The following ARID1A variants were observed in gnomAD, a reference collection of about 807,000 sequenced individuals.
The protein encoded by ARID1A is AT-rich interactive domain-containing protein 1A.
ARID1A carries 20 observed loss-of-function variants against 212.6 expected under a neutral mutation model. The observed-to-expected ratio is 0.09, with a 90% CI of 0.07 to 0.14. The LOEUF is 0.14. Ranked by LOEUF, ARID1A falls within the 10% of genes least tolerant of loss-of-function variation. ARID1A has a pLI of 1.00. For missense variants in ARID1A, 2,587 were observed against 3,059.0 expected, an observed-to-expected ratio of 0.85 and a Z score of 3.64; for synonymous variants, 1,376 against 1,222.1, an observed-to-expected ratio of 1.13 and a Z score of -2.63.
Position 26,774,175 on chromosome 1 carries a change from G to A in ARID1A, c.4102-154G>A. 1 of 1,398,596 alleles carries A rather than the reference G, an allele frequency of 7.2e-7. No homozygotes were observed. The highest frequency in any genetic ancestry group is 9.4e-7 in the Non-Finnish European group (1 of 1,059,468). 86.6% of individuals were successfully genotyped at this position (1,398,596 alleles called of 1,614,324 possible). A position where few individuals can be genotyped will look rare whatever the true frequency, so the allele number is the denominator to read the frequency against. On this transcript the variant is annotated intron_variant, in intron 17 of 19. Coordinates refer to ENST00000324856, the MANE Select transcript of ARID1A (RefSeq NM_006015.6). The surrounding 1 kb of genome is among the most constrained non-coding windows in gnomAD (Gnocchi z 5.6). ...GAAGAAAGAGTGGTGGTTGCTTTTG[G>A]AAACAACTTCAAAAGACAATTTGTT... is the stretch of plus-strand genomic sequence containing the variant.
At chr1:26,770,771 T>A (rs993423525) in intron 11 of ARID1A, 1 of 222,354 alleles carries the variant, frequency 4.5e-6, no homozygotes, top group African/African-American at 2.3e-5. Context: ...GTCTCAAAAA[T>A]AAATAAATAA....
At chr1:26,725,857 T>TC (rs1262511371) in intron 1 of ARID1A, among the ~76,000 whole-genome samples, 1 of 149,866 alleles carries the variant, frequency 6.7e-6, no homozygotes, top group Non-Finnish European at 1.5e-5. Flanking sequence ...TAAACCTTTT[T>TC]TTTTTTTTTT....
Position 26,774,687 on chromosome 1 carries a change from C to T in ARID1A, c.4460C>T (p.Ala1487Val), listed in dbSNP as rs1413586412. The change falls in exon 18 of 20, where the codon GCA becomes GTA. Residue 1487 changes from alanine (A) to valine (V), a missense_variant. Ala to Val is a moderately conservative substitution (Grantham distance 64). Coordinates refer to ENST00000324856, the MANE Select transcript of ARID1A (RefSeq NM_006015.6). The surrounding 1 kb of genome is among the most constrained non-coding windows in gnomAD (Gnocchi z 5.6). ...CAAATGATGGGCGGCCCCATACAGG[C>T]ATCAGCTGAGGTTGCTCAGCAAGGC... The part of the protein sequence containing the change: ...PPQMMGGPIQ[A>V]SAEVAQQGTM... 5 of 1,614,120 alleles carry T rather than the reference C, an allele frequency of 3.1e-6. No homozygotes were observed. The African/African-American group carries it at 5.3e-5, about 17-fold the overall frequency.
Position 26,780,480 on chromosome 1 carries a change from C to T in ARID1A, c.6582C>T (p.Asn2194=), listed in dbSNP as rs138280531. 208 of 1,614,222 alleles carry T rather than the reference C, an allele frequency of 1.3e-4. No individual in the cohort carries two copies. Among genetic ancestry groups the T allele is most frequent in the Middle Eastern group, 1.6e-4 (1 of 6,062 alleles). The change falls in exon 20 of 20, where the codon AAC becomes AAT. Residue 2194 remains asparagine (N), a synonymous_variant. Coordinates refer to ENST00000324856, the MANE Select transcript of ARID1A (RefSeq NM_006015.6). This position sits in a 1 kb window ranked among gnomAD's most constrained non-coding sequence, Gnocchi z 7.2. ...AIAVQKGSIG[N]LLGFLEDSLA... Reference sequence around the variant, plus strand: ...CAGTGCAGAAGGGCAGTATCGGCAACCTCCTGGGCTTCCTAGAGGACAGCC... The same window carrying T: ...CAGTGCAGAAGGGCAGTATCGGCAATCTCCTGGGCTTCCTAGAGGACAGCC...
At chr1:26,739,209 T>C (rs1557596898) in intron 4 of ARID1A, among the ~76,000 whole-genome samples, 1 of 152,216 alleles carries the variant, frequency 6.6e-6, no homozygotes, top group Non-Finnish European at 1.5e-5. Context: ...CTTTTCTTAC[T>C]GAGACACATT....
chr1:26,706,187 G>A (rs2080390549), intron 1 of ARID1A, among the ~76,000 whole-genome samples: 1 of 152,060 alleles, frequency 6.6e-6, no homozygotes, highest in Non-Finnish European at 1.5e-5. Context: ...GCTTCCTTAT[G>A]GCTTTGTTGC....
chr1:26,723,717 G>A (rs1469864686), intron 1 of ARID1A, among the ~76,000 whole-genome samples: 1 of 152,002 alleles, frequency 6.6e-6, no homozygotes, highest in Non-Finnish European at 1.5e-5. Context: ...TCAGTGGGCG[G>A]TTCCCAGCTT....
At position 26,697,192 on chromosome 1, in the gene ARID1A, T is replaced by C. The variant is rs774614043; in HGVS notation, c.789T>C (p.Ser263=). The change falls in exon 1 of 20, where the codon TCT becomes TCC. Residue 263 remains serine (S), a synonymous_variant. Transcript: ENST00000324856. ...CCAGCGCCTCCGCCTCCTCGTCGTCTTCGTCCTTCGCTCAGCAGCGCTTCG... is the reference window on the plus strand; with the variant it reads ...CCAGCGCCTCCGCCTCCTCGTCGTCCTCGTCCTTCGCTCAGCAGCGCTTCG... ...PSSSASASSS[S]SSFAQQRFGA... 57 of 1,423,864 alleles carry C rather than the reference T, an allele frequency of 4.0e-5. No individual in the cohort carries two copies. The highest frequency in any genetic ancestry group is 5.1e-5 in the Non-Finnish European group (56 of 1,095,446). The allele number at this position is 1,423,864 out of a possible 1,614,324, so 88.2% of individuals were successfully genotyped here.
rs760575192 is a variant in ARID1A, at chr1:26,775,077, G to A, written c.4850G>A (p.Gly1617Asp). 6.2e-7 allele frequency: 1 copy of A among 1,612,908 alleles called. No homozygotes were observed. The highest frequency in any genetic ancestry group is 1.1e-5 in the South Asian group (1 of 91,008). The stretch of plus-strand genomic sequence containing the variant: ...TCTGGGATGAAAATGCAGAAGGCAG[G>A]TCCCCCAGTACCTGCCTCGCACATA... The part of the protein sequence containing the change: ...LHSGMKMQKA[G>D]PPVPASHIAP... The change falls in exon 18 of 20, where the codon GGT (glycine) becomes GAT (aspartate). Residue 1617 changes from glycine (G) to aspartate (D), a missense_variant. By Grantham distance (94) the Gly-to-Asp change is moderately conservative (BLOSUM62 -1). Transcript: ENST00000324856.
chr1:26,718,205 C>T (rs1040300477), intron 1 of ARID1A, among the ~76,000 whole-genome samples: 2 of 152,196 alleles, frequency 1.3e-5, no homozygotes, highest in Non-Finnish European at 2.9e-5. Context: ...GAACTCCCGA[C>T]CTCAGGTGAT....
rs2081180300 is a variant in ARID1A at position 26,780,410 on chromosome 1, T to TGGCCAACCTGGCTCAGGG, written c.6515_6532dup (p.Ala2172_Gly2177dup). 1 of 1,614,116 alleles carries TGGCCAACCTGGCTCAGGG rather than the reference T, an allele frequency of 6.2e-7. No individual in the cohort carries two copies. The highest frequency in any genetic ancestry group is 8.5e-7 in the Non-Finnish European group (1 of 1,180,046). On this transcript the variant is annotated inframe_insertion, in exon 20 of 20. Transcript: ENST00000324856. This position sits in a 1 kb window ranked among gnomAD's most constrained non-coding sequence, Gnocchi z 7.2. ...TGCCGGGAGATGGCTGTGGTACTGC[T>TGGCCAACCTGGCTCAGGG]GGCCAACCTGGCTCAGGGGGACAGC...
intron 4 of ARID1A, among the ~76,000 whole-genome samples, chr1:26,749,582 C>T (rs1324885382): frequency 6.6e-6 from 1 of 152,186 alleles, no homozygotes; most frequent in Non-Finnish European, 1.5e-5. Flanking sequence ...CACCTTTTTA[C>T]CTCAGCAGTG....
rs182823040 is a variant in ARID1A at position 26,745,861 on chromosome 1, G to C, written c.1920+13069G>C. Reference sequence around the variant, plus strand: ...GAGGTTGGGAGTTCAAGACCAGCCTGACCAACATTAAGAAACTCCGTCTCT... The same window carrying C: ...GAGGTTGGGAGTTCAAGACCAGCCTCACCAACATTAAGAAACTCCGTCTCT... On this transcript the variant is annotated intron_variant, in intron 4 of 19. Transcript: ENST00000324856. 2.0e-5 allele frequency among the ~76,000 whole-genome samples: 3 copies of C among 152,266 alleles called. No individual in the cohort carries two copies. The East Asian group carries it at 5.8e-4, about 29-fold the overall frequency.
intron 1 of ARID1A, among the ~76,000 whole-genome samples, chr1:26,718,498 G>A (rs2080526267): frequency 6.6e-6 from 1 of 152,142 alleles, no homozygotes; most frequent in South Asian, 2.1e-4. Flanking sequence ...ATGTACAAAT[G>A]CCCCTCGGTA....
At chr1:26,702,180 A>G (rs1421570268) in intron 1 of ARID1A, among the ~76,000 whole-genome samples, 1 of 152,014 alleles carries the variant, frequency 6.6e-6, no homozygotes, top group African/African-American at 2.4e-5. Flanking sequence ...GCTGAGAGAG[A>G]AGCAAATGTT....
chr1:26,759,234 G>T (rs2080968873), intron 4 of ARID1A, among the ~76,000 whole-genome samples: 1 of 152,058 alleles, frequency 6.6e-6, no homozygotes, highest in African/African-American at 2.4e-5. Context: ...ATGGTGTTTT[G>T]CTCCGTTACC....
Position 26,760,852 on chromosome 1 carries a change from C to T in ARID1A, c.1921-4C>T, listed in dbSNP as rs1424715731. On this transcript the variant is annotated splice_region_variant and splice_polypyrimidine_tract_variant and intron_variant, in intron 4 of 19. Transcript: ENST00000324856. ...TAATCCATGTTCTTATATATATGTT[C>T]TAGGATCTATCTGGTTCAATAGATG... 7.5e-6 allele frequency: 12 copies of T among 1,609,752 alleles called. No individual in the cohort carries two copies. In the Admixed American group the frequency reaches 1.5e-4, roughly 20 times the overall value.
intron 1 of ARID1A, among the ~76,000 whole-genome samples, chr1:26,706,823 A>G (rs1432496253): frequency 6.6e-6 from 1 of 152,176 alleles, no homozygotes; most frequent in African/African-American, 2.4e-5. Context: ...TTCTGGTCCT[A>G]AGGTGTTGGA....
chr1:26,743,923 G>A (rs755507770), intron 4 of ARID1A, among the ~76,000 whole-genome samples: 1 of 152,102 alleles, frequency 6.6e-6, no homozygotes, highest in Non-Finnish European at 1.5e-5. Flanking sequence ...TTTTCAAAAA[G>A]ATAACAGAAA....
Sources: allele counts gnomAD v4.1 joint callset (sites outside exome capture counted in the v4.1 genomes callset), GRCh38; gene constraint gnomAD v4.1.1; non-coding constraint Gnocchi (gnomAD v3.1); transcripts MANE v1.5; gene names NCBI Gene and HGNC (gene_info 2026-07-23, HGNC 2026-07-21).